The following GEMIN6 variants were observed in gnomAD, a reference collection of about 807,000 sequenced individuals.
The protein encoded by GEMIN6 is gem nuclear organelle associated protein 6, also known as gem-associated protein 6.
Under a neutral mutation model 14.1 loss-of-function variants are expected in GEMIN6, and 13 were observed. The observed-to-expected ratio is 0.92, with a 90% CI of 0.60 to 1.46. GEMIN6 has a LOEUF of 1.46. GEMIN6 is among the 40% of genes most tolerant of loss of function. GEMIN6 has a pLI of 0.00. For missense variants in GEMIN6, 271 were observed against 202.4 expected (o/e 1.34, Z -2.06); for synonymous variants, 87 against 70.0 (o/e 1.24, Z -1.21).
chr2:38,779,441 G>A (rs1464039191), intron 2 of GEMIN6: 3 of 292,564 alleles, frequency 1.0e-5, no homozygotes, highest in East Asian at 1.2e-4. Flanking sequence ...ATGTTGCCCA[G>A]GTTGGTCTCA....
chr2:38,781,104 A>G (rs764994762), intron 2 of GEMIN6, among the ~76,000 whole-genome samples: 40 of 151,378 alleles, frequency 2.6e-4, no homozygotes, highest in Non-Finnish European at 5.3e-4. Context: ...AGTAGCTGGG[A>G]TTACAGGTGA....
intron 2 of GEMIN6, among the ~76,000 whole-genome samples, chr2:38,781,253 C>G (rs1019332645): frequency 6.6e-6 from 1 of 152,174 alleles, no homozygotes; most frequent in Non-Finnish European, 1.5e-5. Context: ...CAGGCGTGAG[C>G]CACCGCGCCT....
In GEMIN6 at chr2:38,779,015, C is replaced by T; in HGVS notation, c.25C>T (p.Pro9Ser). The T allele has an allele frequency of 6.2e-7, 1 of 1,612,756 alleles. No homozygotes were observed. The highest frequency in any genetic ancestry group is 1.1e-5 in the South Asian group (1 of 90,844). ...CATGAGTGAATGGATGAAGAAAGGC[C>T]CCTTAGAATGGCAAGATTACATTTA... MSEWMKKG[P>S]LEWQDYIYKE... Residue 9 changes from proline (P) to serine (S), a missense_variant, in exon 2 of 3, where the codon CCC becomes TCC. Pro to Ser is a moderately conservative substitution (Grantham distance 74, BLOSUM62 -1). Coordinates refer to ENST00000281950, the MANE Select transcript of GEMIN6 (RefSeq NM_024775.10).
rs539343557 is a variant in GEMIN6, at chr2:38,782,607, A to G, written c.*715A>G. 6.6e-6 allele frequency: 1 copy of G among 151,832 alleles called. No individual in the cohort carries two copies. Among genetic ancestry groups the G allele is most frequent in the South Asian group, 2.1e-4 (1 of 4,788 alleles). 9.4% of individuals were successfully genotyped at this position (151,832 alleles called of 1,614,324 possible). ...TCAGGAGATCGAGACCATCCTGGCT[A>G]ACACGGTGAAACCCCTTCTCTACTA... is the stretch of plus-strand genomic sequence containing the variant. On this transcript the variant is annotated 3_prime_UTR_variant, in exon 3 of 3. Coordinates refer to ENST00000281950, the MANE Select transcript of GEMIN6 (RefSeq NM_024775.10).
rs1235491675 is a variant in GEMIN6, at chr2:38,781,583, G to A, written c.195G>A (p.Val65=). The A allele has an allele frequency of 3.7e-6, 6 of 1,614,144 alleles. No individual in the cohort carries two copies. The highest frequency in any genetic ancestry group is 2.2e-5 in the East Asian group (1 of 44,888). Residue 65 remains valine (V), a synonymous_variant, in exon 3 of 3, where the codon GTG becomes GTA. Coordinates refer to ENST00000281950, the MANE Select transcript of GEMIN6 (RefSeq NM_024775.10). ...TGACCGGAATTATGGGACATGCTGTGCAGACTGTTGAAACTATGAATGAAG... is the reference window on the plus strand; with the variant it reads ...TGACCGGAATTATGGGACATGCTGTACAGACTGTTGAAACTATGAATGAAG... ...MSVTGIMGHA[V]QTVETMNEGD... is the part of the protein sequence containing the mutation.
Position 38,781,667 on chromosome 2 carries a change from A to G in GEMIN6, c.279A>G (p.Ala93=). ...MHLFTSGDCK[A]YSPEDLEERK... ...TGTTCACGTCTGGAGACTGCAAAGC[A>G]TACAGCCCAGAGGATCTGGAAGAGA... The change falls in exon 3 of 3, where the codon GCA becomes GCG. Residue 93 remains alanine, a synonymous_variant. Transcript: ENST00000281950. The G allele has an allele frequency of 6.2e-7, 1 of 1,614,234 alleles. No individual in the cohort carries two copies.
rs1418689031 is a variant in GEMIN6, at chr2:38,781,970, C to T, written c.*78C>T. The T allele has an allele frequency of 2.2e-6, 3 of 1,366,386 alleles. No individual in the cohort carries two copies. The East Asian group carries it at 6.9e-5, about 31-fold the overall frequency. 84.6% of individuals were successfully genotyped at this position (1,366,386 alleles called of 1,614,324 possible). ...ATAAAATGTTTTAAATGTAAATGTA[C>T]ATGACTGTGTGTGTGTATGTGTGTG... On this transcript the variant is annotated 3_prime_UTR_variant, in exon 3 of 3. Transcript: ENST00000281950.
At position 38,784,575 on chromosome 2, in the gene GEMIN6, T is replaced by C. The variant is rs761276548; in HGVS notation, c.*2683T>C. On this transcript the variant is annotated 3_prime_UTR_variant, in exon 3 of 3. Coordinates refer to ENST00000281950, the MANE Select transcript of GEMIN6 (RefSeq NM_024775.10). ...CGTAGGAAATTATCCACAGCATCAA[T>C]TGGACTTGATCTTGGCTCAGGGACC... 3 of 151,628 alleles carry C rather than the reference T, an allele frequency of 2.0e-5. No individual in the cohort carries two copies. Among genetic ancestry groups the C allele is most frequent in the South Asian group, 2.1e-4 (1 of 4,786 alleles). 9.4% of individuals were successfully genotyped at this position (151,628 alleles called of 1,614,324 possible).
rs756153830 is a variant in GEMIN6 at position 38,779,085 on chromosome 2, G to A, written c.95G>A (p.Gly32Glu). Reference protein sequence around the residue: ...VTASEKNEYKGWVLTTDPVSA... With the variant: ...VTASEKNEYKEWVLTTDPVSA... Reference sequence around the variant, plus strand: ...GCCAGTGAGAAGAATGAGTATAAAGGATGGGTTTTAACTACAGACCCAGTC... The same window carrying A: ...GCCAGTGAGAAGAATGAGTATAAAGAATGGGTTTTAACTACAGACCCAGTC... The change falls in exon 2 of 3, where the codon GGA (glycine) becomes GAA (glutamate). Residue 32 changes from glycine (G) to glutamate (E), a missense_variant. Gly to Glu is a moderately conservative substitution (Grantham distance 98, BLOSUM62 -2). Transcript: ENST00000281950. The A allele has an allele frequency of 1.9e-6, 3 of 1,613,908 alleles. No individual in the cohort carries two copies. Among genetic ancestry groups the A allele is most frequent in the South Asian group, 2.2e-5 (2 of 91,040 alleles).
rs1197755162 is a variant in GEMIN6, at chr2:38,781,671, A to G, written c.283A>G (p.Ser95Gly). 1 of 1,614,206 alleles carries G rather than the reference A, an allele frequency of 6.2e-7. No individual in the cohort carries two copies. The highest frequency in any genetic ancestry group is 1.3e-5 in the African/African-American group (1 of 75,066). Reference protein sequence around the residue: ...LFTSGDCKAYSPEDLEERKNS... With the variant: ...LFTSGDCKAYGPEDLEERKNS... Reference sequence around the variant, plus strand: ...CACGTCTGGAGACTGCAAAGCATACAGCCCAGAGGATCTGGAAGAGAGAAA... The same window carrying G: ...CACGTCTGGAGACTGCAAAGCATACGGCCCAGAGGATCTGGAAGAGAGAAA... The change falls in exon 3 of 3, where the codon AGC becomes GGC. Residue 95 changes from serine (S) to glycine (G), a missense_variant. Physicochemically the swap from Ser to Gly is moderately conservative, Grantham distance 56. Coordinates refer to ENST00000281950, the MANE Select transcript of GEMIN6 (RefSeq NM_024775.10).
chr2:38,781,338 A>G (rs1215428296), intron 2 of GEMIN6, among the ~76,000 whole-genome samples, 179 bp from the exon 3 acceptor site: 2 of 152,192 alleles, frequency 1.3e-5, no homozygotes, highest in African/African-American at 4.8e-5. Flanking sequence ...GTATCCCACA[A>G]TGATTGGCTG....
rs1669014011 is a variant in GEMIN6 at position 38,779,029 on chromosome 2, A to G, written c.39A>G (p.Gln13=). 1.2e-6 allele frequency: 2 copies of G among 1,613,758 alleles called. No homozygotes were observed. Among genetic ancestry groups the G allele is most frequent in the Non-Finnish European group, 1.7e-6 (2 of 1,179,850 alleles). Residue 13 remains glutamine, a synonymous_variant, in exon 2 of 3, where the codon CAA becomes CAG. Transcript: ENST00000281950. The part of the protein sequence containing the change: ...EWMKKGPLEW[Q]DYIYKEVRVT... ...TGAAGAAAGGCCCCTTAGAATGGCA[A>G]GATTACATTTACAAAGAGGTCCGAG...
At position 38,779,105 on chromosome 2, in the gene GEMIN6, C is replaced by CCAGT; in HGVS notation, c.117_120dup (p.Ala42LeufsTer11). 1 of 1,612,410 alleles carries CCAGT rather than the reference C, an allele frequency of 6.2e-7. No homozygotes were observed. Among genetic ancestry groups the CCAGT allele is most frequent in the South Asian group, 1.1e-5 (1 of 90,790 alleles). ...TAAAGGATGGGTTTTAACTACAGAC[C>CCAGT]CAGTCTCTGCCAAGTGAGTATGCAT... On this transcript the variant is annotated frameshift_variant, in exon 2 of 3. Transcript: ENST00000281950. LOFTEE classifies it high-confidence loss of function.
rs1438395875 is a variant in GEMIN6, at chr2:38,779,649, TATATATATATATATA to T, written c.128+532_128+546del. On this transcript the variant is annotated intron_variant, in intron 2 of 2. Transcript: ENST00000281950. ...AAATTATTCTTACTATATATATATA[TATATATATATATATA>T]TTTTTTTTTTTTTTTTTTTTTTTTT... is the stretch of plus-strand genomic sequence containing the variant. Among the ~76,000 whole-genome samples the T allele has an allele frequency of 4.8e-3, 147 of 30,916 alleles. 1 individual carries two copies. The highest frequency in any genetic ancestry group is 0.012 in the African/African-American group (140 of 12,120). The allele number at this position is 30,916 out of a possible 152,430, so 20.3% of individuals were successfully genotyped here. A position where few individuals can be genotyped will look rare whatever the true frequency, so the allele number is the denominator to read the frequency against.
Position 38,781,846 on chromosome 2 carries a change from C to T in GEMIN6, c.458C>T (p.Ser153Leu), listed in dbSNP as rs185661000. The change falls in exon 3 of 3, where the codon TCG becomes TTG. Residue 153 changes from serine (S) to leucine (L), a missense_variant. Ser to Leu is a moderately radical substitution (Grantham distance 145, BLOSUM62 -2). Coordinates refer to ENST00000281950, the MANE Select transcript of GEMIN6 (RefSeq NM_024775.10). ...NCSSSNEIIL[S>L]RVQDLIEGHL... ...AGCAGCTCTAATGAGATTATTCTGTCGCGTGTTCAGGATCTTATTGAAGGA... is the reference window on the plus strand; with the variant it reads ...AGCAGCTCTAATGAGATTATTCTGTTGCGTGTTCAGGATCTTATTGAAGGA... 1.8e-5 allele frequency: 29 copies of T among 1,613,682 alleles called. No homozygotes were observed. In the Admixed American group the frequency reaches 2.8e-4, roughly 16 times the overall value.
chr2:38,778,644 T>G (rs761609947), intron 1 of GEMIN6, among the ~76,000 whole-genome samples: 8 of 152,146 alleles, frequency 5.3e-5, no homozygotes, highest in Admixed American at 2.0e-4. Context: ...AATGTGGTTG[T>G]GGATCGGAAT....
rs372936280 is a variant in GEMIN6 at position 38,778,798 on chromosome 2, A to G, written c.-19-174A>G. ...GCCTTTACACGTGTTCTTTTCCCCA[A>G]CTATAGTATCAGTTCCTATCAGTAC... On this transcript the variant is annotated intron_variant, in intron 1 of 2. Transcript: ENST00000281950. Among the ~76,000 whole-genome samples the G allele has an allele frequency of 2.6e-5, 4 of 152,142 alleles. No homozygotes were observed. In the East Asian group the frequency reaches 7.7e-4, roughly 29 times the overall value.
intron 2 of GEMIN6, among the ~76,000 whole-genome samples, chr2:38,780,277 G>A (rs1373902204): frequency 6.7e-6 from 1 of 149,890 alleles, no homozygotes; most frequent in Non-Finnish European, 1.5e-5. Flanking sequence ...CTGAGATCGC[G>A]CCACTGCACT....
Position 38,779,179 on chromosome 2 carries a change from A to T in GEMIN6, c.128+61A>T, listed in dbSNP as rs539466287. ...CCCCTTTGTGCTGCCTGTATGTTAT[A>T]GACAAACTAAGAAAGCAGATAAATG... On this transcript the variant is annotated intron_variant, in intron 2 of 2. Transcript: ENST00000281950. 18 of 1,447,976 alleles carry T rather than the reference A, an allele frequency of 1.2e-5. No homozygotes were observed. In the African/African-American group the frequency reaches 2.2e-4, roughly 17 times the overall value. The allele number at this position is 1,447,976 out of a possible 1,614,324, so 89.7% of individuals were successfully genotyped here.
Sources: gnomAD v4.1 joint callset for allele counts (sites outside exome capture counted in the v4.1 genomes callset) on GRCh38, gnomAD v4.1.1 for gene constraint, MANE v1.5 for transcripts, NCBI Gene and HGNC (gene_info 2026-07-23, HGNC 2026-07-21) for gene names.